The following TIMM50 variants were observed in gnomAD, a reference collection of about 807,000 sequenced individuals.
TIMM50 encodes translocase of inner mitochondrial membrane 50, also known as mitochondrial import inner membrane translocase subunit TIM50.
Under a neutral mutation model 49.6 loss-of-function variants are expected in TIMM50, and 34 were observed. The ratio of observed to expected loss-of-function variants is 0.69; its 90% CI spans 0.52 to 0.91. TIMM50 has a LOEUF of 0.91. TIMM50 is among the 40% of genes least tolerant of loss of function. The pLI, the probability that TIMM50 is intolerant of heterozygous loss-of-function variation, is 0.00. For synonymous variants in TIMM50, 199 were observed against 198.4 expected (o/e 1.00, Z -0.03); for missense variants, 458 against 477.8 (o/e 0.96, Z 0.39).
rs8111260 is a variant in TIMM50, at chr19:39,491,441, G to A, written c.*1621G>A. On this transcript the variant is annotated 3_prime_UTR_variant, in exon 11 of 11. Coordinates refer to ENST00000607714, the MANE Select transcript of TIMM50 (RefSeq NM_001001563.5). ...CTCGGCCTCCCAAAGTGCTGGGATTGCAGGCATGAGCCACCATGCCTGGCC... is the reference window on the plus strand; with the variant it reads ...CTCGGCCTCCCAAAGTGCTGGGATTACAGGCATGAGCCACCATGCCTGGCC... 93,656 of 151,392 alleles carry A rather than the reference G, an allele frequency of 0.62. 30,215 individuals are homozygous for A. The highest frequency in any genetic ancestry group is 0.81 in the African/African-American group (33,456 of 41,304). 9.4% of individuals were successfully genotyped at this position (151,392 alleles called of 1,614,324 possible). A position where few individuals can be genotyped will look rare whatever the true frequency, so the allele number is the denominator to read the frequency against.
rs767007464 is a variant in TIMM50, at chr19:39,488,229, C to T, written c.853+12C>T. 1.1e-5 allele frequency: 17 copies of T among 1,601,420 alleles called. No individual in the cohort carries two copies. The highest frequency in any genetic ancestry group is 1.7e-4 in the Middle Eastern group (1 of 5,944). ...TGCCTTCCTCAAGAGTAAGGCTGAC[C>T]CCTGATCCCTTGGCCTCTGACCCCA... On this transcript the variant is annotated intron_variant, in intron 9 of 10. Coordinates refer to ENST00000607714, the MANE Select transcript of TIMM50 (RefSeq NM_001001563.5).
rs2079475506 is a variant in TIMM50 at position 39,481,982 on chromosome 19, C to T, written c.208C>T (p.Leu70Phe). The T allele has an allele frequency of 1.2e-6, 2 of 1,614,188 alleles. No individual in the cohort carries two copies. Among genetic ancestry groups the T allele is most frequent in the Non-Finnish European group, 1.7e-6 (2 of 1,180,030 alleles). ...CTATGCCAAAAAAGTTGCGCTCTGG[C>T]TTGCTGGGCTGCTTGGAGCTGGTGG... is the stretch of plus-strand genomic sequence containing the variant. ...PSYAKKVALW[L>F]AGLLGAGGTV... The change falls in exon 2 of 11, where the codon CTT becomes TTT. Residue 70 changes from leucine (L) to phenylalanine (F), a missense_variant. Leu to Phe is a conservative substitution (Grantham distance 22). Transcript: ENST00000607714.
At chr19:39,486,042 C>A in intron 6 of TIMM50, 145 bp from the exon 7 acceptor site, 2 of 1,080,204 alleles carry the variant, frequency 1.9e-6, no homozygotes, top group Non-Finnish European at 1.4e-6. Flanking sequence ...GCAGTCACAG[C>A]CTATGAACTT....
At position 39,485,530 on chromosome 19, in the gene TIMM50, T is replaced by C. The variant is rs566675881; in HGVS notation, c.314-14T>C. On this transcript the variant is annotated splice_polypyrimidine_tract_variant and intron_variant, in intron 4 of 10. Coordinates refer to ENST00000607714, the MANE Select transcript of TIMM50 (RefSeq NM_001001563.5). ...GCTTATTGTGGAATCTCTTTGTGCC[T>C]GGTGTTCTCCTAGATCCAATTCTGG... 8 of 1,614,118 alleles carry C rather than the reference T, an allele frequency of 5.0e-6. No homozygotes were observed. The highest frequency in any genetic ancestry group is 6.8e-6 in the Non-Finnish European group (8 of 1,180,006).
At chr19:39,485,837 G>T (rs1175462766) in intron 6 of TIMM50, 30 bp downstream of exon 6, 1 of 1,613,124 alleles carries the variant, frequency 6.2e-7, no homozygotes, top group Non-Finnish European at 8.5e-7. Context: ...GTGGGTTGGG[G>T]ATAGACCTGG....
rs200176121 is a variant in TIMM50, at chr19:39,486,399, T to A, written c.600T>A (p.Thr200=). 5.0e-6 allele frequency: 8 copies of A among 1,614,186 alleles called. No individual in the cohort carries two copies. Among genetic ancestry groups the A allele is most frequent in the Non-Finnish European group, 6.8e-6 (8 of 1,179,992 alleles). ...TCTCGCTCCCTTCCCACCCCCAGAC[T>A]GCGTTTCCACTCATTGATAGTGTGG... ...IVIFTSETGM[T]AFPLIDSVDP... The change falls in exon 8 of 11, where the codon ACT becomes ACA. Residue 200 remains threonine (T), a splice_region_variant and synonymous_variant. Coordinates refer to ENST00000607714, the MANE Select transcript of TIMM50 (RefSeq NM_001001563.5).
intron 4 of TIMM50, among the ~76,000 whole-genome samples, chr19:39,484,528 T>C (rs773428832): frequency 2.6e-5 from 4 of 152,116 alleles, no homozygotes; most frequent in Non-Finnish European, 5.9e-5. Context: ...GCCCTGTGCA[T>C]TGAAGGATTT....
intron 1 of TIMM50, among the ~76,000 whole-genome samples, chr19:39,481,656 C>G (rs960257193): frequency 2.6e-5 from 4 of 152,124 alleles, no homozygotes; most frequent in Non-Finnish European, 5.9e-5. Flanking sequence ...GGATCCTGTG[C>G]ACCTGGCCTG....
rs2079553670 is a variant in TIMM50 at position 39,492,732 on chromosome 19, ATGG to A, written c.*2919_*2921del. ...AAAAATACAAATAAATTAGCTGGGC[ATGG>A]TGGTGGGTGCCTGTAATCCCAGCTA... On this transcript the variant is annotated 3_prime_UTR_variant, in exon 11 of 11. Transcript: ENST00000607714. 6.6e-6 allele frequency: 1 copy of A among 151,688 alleles called. No individual in the cohort carries two copies. The highest frequency in any genetic ancestry group is 6.6e-5 in the Admixed American group (1 of 15,182). 9.4% of individuals were successfully genotyped at this position (151,688 alleles called of 1,614,324 possible).
intron 1 of TIMM50, 24 bp downstream of exon 1, chr19:39,480,985 C>G: frequency 6.4e-7 from 1 of 1,556,848 alleles, no homozygotes; most frequent in South Asian, 1.2e-5. Context: ...GGGTGGCCCT[C>G]TGAATGTGGG....
In TIMM50 at chr19:39,493,552, T is replaced by C. The variant is rs956306856; in HGVS notation, c.*3732T>C. 1 of 152,184 alleles carries C rather than the reference T, an allele frequency of 6.6e-6. No individual in the cohort carries two copies. 9.4% of individuals were successfully genotyped at this position (152,184 alleles called of 1,614,324 possible). On this transcript the variant is annotated 3_prime_UTR_variant, in exon 11 of 11. Coordinates refer to ENST00000607714, the MANE Select transcript of TIMM50 (RefSeq NM_001001563.5). The stretch of plus-strand genomic sequence containing the variant: ...GATGACATTCCACCATTGTGATTTG[T>C]TCCTGCCCCACCTTAACTGAGTGAT...
chr19:39,493,253 C>G lies in TIMM50; in HGVS notation c.*3433C>G, dbSNP rs2079559989. ...GCAGGACTGAGGGAGGGGACCTGTG[C>G]TTTTTTTTTTGTTTTTTTGAGATGG... On this transcript the variant is annotated 3_prime_UTR_variant, in exon 11 of 11. Coordinates refer to ENST00000607714, the MANE Select transcript of TIMM50 (RefSeq NM_001001563.5). 6.8e-6 allele frequency: 1 copy of G among 147,854 alleles called. No homozygotes were observed. Among genetic ancestry groups the G allele is most frequent in the African/African-American group, 2.5e-5 (1 of 40,348 alleles). 9.2% of individuals were successfully genotyped at this position (147,854 alleles called of 1,614,324 possible). A position where few individuals can be genotyped will look rare whatever the true frequency, so the allele number is the denominator to read the frequency against.
intron 3 of TIMM50, 81 bp from the exon 4 acceptor site, chr19:39,483,054 G>A: frequency 6.2e-7 from 1 of 1,608,934 alleles, no homozygotes; most frequent in Non-Finnish European, 8.5e-7. Flanking sequence ...TCCTCTTGGG[G>A]TCCTGGAGAT....
At chr19:39,486,673 TC>T (rs2079509596) in intron 8 of TIMM50, among the ~76,000 whole-genome samples, 178 bp downstream of exon 8, 1 of 152,216 alleles carries the variant, frequency 6.6e-6, no homozygotes, top group South Asian at 2.1e-4. Flanking sequence ...CCTTCTTTGT[TC>T]CCTGGAATCT....
At chr19:39,488,441 G>A in intron 9 of TIMM50, 98 bp from the exon 10 acceptor site, 1 of 1,207,584 alleles carries the variant, frequency 8.3e-7, no homozygotes, top group Non-Finnish European at 1.2e-6. Context: ...AGGTAGCACT[G>A]ACTGCCCCCG....
chr19:39,483,942 C>T (rs1372840726), intron 4 of TIMM50, among the ~76,000 whole-genome samples: 1 of 152,148 alleles, frequency 6.6e-6, no homozygotes. Context: ...CAACCTCCAC[C>T]TCCTGGGTTC....
Position 39,481,046 on chromosome 19 carries a change from A to T in TIMM50, c.108+85A>T, listed in dbSNP as rs2079467716. ...ATCGCCGCCCCTTGGGGGTTCCGGG[A>T]CGCCTCACCTCAGGGTGCTGAATGA... is the stretch of plus-strand genomic sequence containing the variant. On this transcript the variant is annotated intron_variant, in intron 1 of 10. Transcript: ENST00000607714. The T allele has an allele frequency of 3.4e-5, 48 of 1,432,060 alleles. No individual in the cohort carries two copies. In the South Asian group the frequency reaches 6.3e-4, roughly 19 times the overall value. The allele number at this position is 1,432,060 out of a possible 1,614,324, so 88.7% of individuals were successfully genotyped here.
Position 39,489,733 on chromosome 19 carries a change from C to T in TIMM50, c.975C>T (p.Arg325=), listed in dbSNP as rs776376005. 5.6e-6 allele frequency: 9 copies of T among 1,608,042 alleles called. No homozygotes were observed. The highest frequency in any genetic ancestry group is 7.6e-6 in the Non-Finnish European group (9 of 1,177,658). The change falls in exon 11 of 11, where the codon CGC becomes CGT. Residue 325 remains arginine (R), a synonymous_variant. Coordinates refer to ENST00000607714, the MANE Select transcript of TIMM50 (RefSeq NM_001001563.5). ...CCCTACCCCAGGAGGAGCAGCAGCGCCTGGCCGAGCTCTCCAAGTCCAACA... is the reference window on the plus strand; with the variant it reads ...CCCTACCCCAGGAGGAGCAGCAGCGTCTGGCCGAGCTCTCCAAGTCCAACA... ...QSRLEQEEQQ[R]LAELSKSNKQ... is the part of the protein sequence containing the mutation.
At chr19:39,481,145 A>G in intron 1 of TIMM50, 184 bp downstream of exon 1, 1 of 798,580 alleles carries the variant, frequency 1.3e-6, no homozygotes. Context: ...CTGGGAATCC[A>G]GGTGTGTCCT....
Sources: gnomAD v4.1 joint callset for allele counts (sites outside exome capture counted in the v4.1 genomes callset) on GRCh38, gnomAD v4.1.1 for gene constraint, MANE v1.5 for transcripts, NCBI Gene and HGNC (gene_info 2026-07-23, HGNC 2026-07-21) for gene names.